ALDH8A1: variants seen among roughly 807,000 people sequenced by gnomAD.
The protein encoded by ALDH8A1 is aldehyde dehydrogenase 8 family member A1.
In ALDH8A1, 39 loss-of-function variants were observed where a neutral mutation model predicts 43.3. The ratio of observed to expected loss-of-function variants is 0.90; its 90% CI spans 0.70 to 1.18. The LOEUF (loss-of-function observed/expected upper bound fraction) is 1.18, where lower values mean the gene tolerates loss of function less well. ALDH8A1 is among the 50% of genes most tolerant of loss of function. The pLI, the probability that ALDH8A1 is intolerant of heterozygous loss-of-function variation, is 0.00. For synonymous variants in ALDH8A1, 233 were observed against 243.5 expected, an observed-to-expected ratio of 0.96 and a Z score of 0.40; for missense variants, 605 against 622.6, an observed-to-expected ratio of 0.97 and a Z score of 0.30.
intron 4 of ALDH8A1, among the ~76,000 whole-genome samples, chr6:134,937,626 T>A (rs1208247411): frequency 6.6e-6 from 1 of 151,552 alleles, no homozygotes; most frequent in Non-Finnish European, 1.5e-5. Context: ...CAGGAGAGAG[T>A]GGTTAAGGGA....
At chr6:134,941,985 C>T (rs9689731) in intron 3 of ALDH8A1, among the ~76,000 whole-genome samples, 2 of 151,848 alleles carry the variant, frequency 1.3e-5, no homozygotes, top group African/African-American at 2.4e-5. Context: ...TTGGGGAGGC[C>T]GAGGCGGGAG....
At position 134,922,644 on chromosome 6, in the gene ALDH8A1, A is replaced by C. The variant is rs113694683; in HGVS notation, c.1012-3777T>G. On this transcript the variant is annotated intron_variant, in intron 6 of 6. Coordinates refer to ENST00000265605, the MANE Select transcript of ALDH8A1 (RefSeq NM_022568.4). ...CTAAAGTGATCCACCCGCCTCAGCC[A>C]CCCAAAGTGCTGGGATTACAGGCAT... 3.6e-3 allele frequency among the ~76,000 whole-genome samples: 540 copies of C among 152,110 alleles called. 5 individuals are homozygous for C. Among genetic ancestry groups the C allele is most frequent in the African/African-American group, 9.9e-3 (412 of 41,516 alleles).
At position 134,950,099 on chromosome 6, in the gene ALDH8A1, G is replaced by GT; in HGVS notation, c.-47dup. 1 of 1,553,950 alleles carries GT rather than the reference G, an allele frequency of 6.4e-7. No individual in the cohort carries two copies. The highest frequency in any genetic ancestry group is 1.4e-5 in the African/African-American group (1 of 73,698). ...TTCCTCTTTACGACTGAGCACTCAG[G>GT]TTGTCCCCACCACTGTCTGGACTCC... On this transcript the variant is annotated 5_prime_UTR_variant, in exon 1 of 7. Transcript: ENST00000265605.
chr6:134,926,571 G>A (rs928957067), intron 6 of ALDH8A1, among the ~76,000 whole-genome samples: 5 of 152,130 alleles, frequency 3.3e-5, no homozygotes, highest in African/African-American at 1.2e-4. Context: ...CACTTTGGGA[G>A]GCCAAGGTGG....
intron 6 of ALDH8A1, among the ~76,000 whole-genome samples, chr6:134,927,553 A>C (rs1466362655): frequency 1.3e-5 from 2 of 152,180 alleles, no homozygotes; most frequent in Non-Finnish European, 2.9e-5. Context: ...CATTCAACTG[A>C]TACAGAAAAG....
intron 1 of ALDH8A1, among the ~76,000 whole-genome samples, chr6:134,946,783 C>CACGTGCACAGGT (rs1313017381): frequency 2.5e-4 from 37 of 149,194 alleles, no homozygotes; most frequent in East Asian, 2.1e-3. Context: ...CATGTGTGCG[C>CACGTGCACAGGT]GCGCGCACAG....
intron 1 of ALDH8A1, among the ~76,000 whole-genome samples, chr6:134,947,408 C>A (rs904341219): frequency 3.3e-5 from 5 of 152,060 alleles, no homozygotes; most frequent in African/African-American, 1.2e-4. Flanking sequence ...AAAGCTTCTG[C>A]ACAACAGAAG....
intron 3 of ALDH8A1, 68 bp from the exon 4 acceptor site, chr6:134,939,483 G>A: frequency 1.3e-6 from 2 of 1,532,600 alleles, no homozygotes; most frequent in Non-Finnish European, 1.8e-6. Context: ...GCCAAGTGGG[G>A]TTATTAACGC....
chr6:134,935,446 T>C (rs996509454), intron 4 of ALDH8A1, among the ~76,000 whole-genome samples: 14 of 152,342 alleles, frequency 9.2e-5, no homozygotes, highest in African/African-American at 2.9e-4. Context: ...ATGCTTAGTG[T>C]ACGTTATTCA....
intron 4 of ALDH8A1, among the ~76,000 whole-genome samples, chr6:134,934,253 G>C (rs899948116): frequency 7.2e-5 from 11 of 152,186 alleles, no homozygotes; most frequent in Admixed American, 3.9e-4. Flanking sequence ...TATGGGATGA[G>C]AGGTCAAACA....
At chr6:134,921,066 A>G (rs912983189) in intron 6 of ALDH8A1, among the ~76,000 whole-genome samples, 3 of 152,258 alleles carry the variant, frequency 2.0e-5, no homozygotes, top group Non-Finnish European at 2.9e-5. Flanking sequence ...CTAGTACATA[A>G]TAAGCCTTTT....
At chr6:134,925,528 C>A (rs1776868344) in intron 6 of ALDH8A1, among the ~76,000 whole-genome samples, 1 of 152,138 alleles carries the variant, frequency 6.6e-6, no homozygotes, top group Admixed American at 6.5e-5. Context: ...AAAATGGATA[C>A]CTTAAATTTG....
intron 2 of ALDH8A1, among the ~76,000 whole-genome samples, chr6:134,943,157 G>A (rs968439602): frequency 2.0e-5 from 3 of 152,214 alleles, no homozygotes; most frequent in African/African-American, 7.2e-5. Flanking sequence ...TCTCTTTAGC[G>A]ATGCAGGGAG....
chr6:134,918,269 T>A lies in ALDH8A1; in HGVS notation c.*146A>T. 1.4e-6 allele frequency: 1 copy of A among 735,944 alleles called. No homozygotes were observed. Among genetic ancestry groups the A allele is most frequent in the Non-Finnish European group, 2.2e-6 (1 of 453,094 alleles). The allele number at this position is 735,944 out of a possible 1,614,324, so 45.6% of individuals were successfully genotyped here. On this transcript the variant is annotated 3_prime_UTR_variant, in exon 7 of 7. Coordinates refer to ENST00000265605, the MANE Select transcript of ALDH8A1 (RefSeq NM_022568.4). ...AGTATCTCTTCACTAGTGGGTAAAG[T>A]TACTAAGAACTGAGGATAAGCTAGA...
intron 1 of ALDH8A1, among the ~76,000 whole-genome samples, chr6:134,945,780 C>T (rs1478000374): frequency 6.6e-6 from 1 of 152,096 alleles, no homozygotes; most frequent in African/African-American, 2.4e-5. Flanking sequence ...CATGCAAAAC[C>T]TGACCCACAC....
At chr6:134,941,943 G>T (rs1773863461) in intron 3 of ALDH8A1, among the ~76,000 whole-genome samples, 2 of 152,092 alleles carry the variant, frequency 1.3e-5, no homozygotes, top group Non-Finnish European at 2.9e-5. Flanking sequence ...CATGAGGCCT[G>T]GCGTGGTGGC....
rs1175630815 is a variant in ALDH8A1, at chr6:134,939,404, T to G, written c.454A>C (p.Ser152Arg). Reference sequence around the variant, plus strand: ...AAGTAGAGTGGCAAATTCCAGGGGCTGATCAGACCAGCTAAGGGATGAGAG... The same window carrying G: ...AAGTAGAGTGGCAAATTCCAGGGGCGGATCAGACCAGCTAAGGGATGAGAG... ...RAPVGVAGLI[S>R]PWNLPLYLLT... Residue 152 changes from serine to arginine, a missense_variant, in exon 4 of 7, where the codon AGC becomes CGC. Physicochemically the swap from Ser to Arg is moderately radical, Grantham distance 110. Transcript: ENST00000265605. 2 of 1,614,036 alleles carry G rather than the reference T, an allele frequency of 1.2e-6. No individual in the cohort carries two copies. The highest frequency in any genetic ancestry group is 1.7e-6 in the Non-Finnish European group (2 of 1,180,018).
intron 6 of ALDH8A1, among the ~76,000 whole-genome samples, chr6:134,923,813 A>G (rs923794249): frequency 1.3e-5 from 2 of 152,202 alleles, no homozygotes; most frequent in African/African-American, 2.4e-5. Flanking sequence ...TCCTTCCTTT[A>G]GGGGAAGATG....
intron 1 of ALDH8A1, among the ~76,000 whole-genome samples, chr6:134,949,373 T>C (rs1774004932): frequency 6.6e-6 from 1 of 152,200 alleles, no homozygotes. Context: ...TAAATCTAAC[T>C]CCAAAAATAT....
Sources: gnomAD v4.1 joint callset for allele counts (sites outside exome capture counted in the v4.1 genomes callset) on GRCh38, gnomAD v4.1.1 for gene constraint, MANE v1.5 for transcripts, NCBI Gene and HGNC (gene_info 2026-07-23, HGNC 2026-07-21) for gene names.